The following SRGAP3 variants were observed in gnomAD, a reference collection of about 807,000 sequenced individuals.
The protein encoded by SRGAP3 is SLIT-ROBO Rho GTPase-activating protein 3.
SRGAP3 carries 39 observed loss-of-function variants against 121.1 expected under a neutral mutation model. The ratio of observed to expected loss-of-function variants is 0.32; its 90% confidence interval spans 0.25 to 0.42. The LOEUF is 0.42. SRGAP3 is among the 10% of genes least tolerant of loss of function. The pLI is 1.00. For missense variants in SRGAP3, 1,213 were observed against 1,470.6 expected, an observed-to-expected ratio of 0.82 and a Z score of 2.86; for synonymous variants, 601 against 570.0, an observed-to-expected ratio of 1.05 and a Z score of -0.77.
Position 8,990,786 on chromosome 3 carries a change from T to C in SRGAP3, c.2612A>G (p.Asp871Gly). 6.3e-7 allele frequency: 1 copy of C among 1,595,396 alleles called. No homozygotes were observed. The highest frequency in any genetic ancestry group is 8.5e-7 in the Non-Finnish European group (1 of 1,171,080). ...CAGGCCCCGGGGCGGGCTGTGTGTG[T>C]CGCCCCCGCTTCGGCGTCTGGGGAT... ...AAIPRRRSGG[D>G]THSPPRGLGP... The change falls in exon 21 of 22, where the codon GAC (aspartate) becomes GGC (glycine). Residue 871 changes from aspartate to glycine, a missense_variant. Coordinates refer to ENST00000383836, the MANE Select transcript of SRGAP3 (RefSeq NM_014850.4).
At chr3:9,153,918 A>G (rs968125488) in intron 1 of SRGAP3, among the ~76,000 whole-genome samples, 3 of 152,274 alleles carry the variant, frequency 2.0e-5, no homozygotes, top group East Asian at 3.9e-4. Flanking sequence ...AGAAGCTGAC[A>G]GCAAGAACAG....
chr3:9,015,255 T>C (rs1943574589), intron 15 of SRGAP3, among the ~76,000 whole-genome samples: 1 of 147,682 alleles, frequency 6.8e-6, no homozygotes, highest in South Asian at 2.1e-4. Context: ...CCCTCTTGGC[T>C]GGTCCCACTG....
rs1955939771 is a variant in SRGAP3, at chr3:9,348,108, G to C, written n.214+14732C>G. ...TCATTATTCAGTAGCACCAAAATTGGGTTCACCGCAACAGTAGAATTTTAT... is the reference window on the plus strand; with the variant it reads ...TCATTATTCAGTAGCACCAAAATTGCGTTCACCGCAACAGTAGAATTTTAT... On this transcript the variant is annotated intron_variant and non_coding_transcript_variant, in intron 1 of 3. Coordinates refer to the SRGAP3 transcript ENST00000490889. Among the ~76,000 whole-genome samples the C allele has an allele frequency of 2.0e-5, 3 of 152,060 alleles. No individual in the cohort carries two copies. In the South Asian group the frequency reaches 6.2e-4, roughly 32 times the overall value.
intron 12 of SRGAP3, among the ~76,000 whole-genome samples, chr3:9,032,449 A>T (rs1265113371): frequency 1.3e-5 from 2 of 152,224 alleles, no homozygotes; most frequent in African/African-American, 4.8e-5. Flanking sequence ...AGAATTGCGC[A>T]GGGCACTTAG....
At chr3:9,072,117 GATCCCAACC>G (rs1946750162) in intron 4 of SRGAP3, among the ~76,000 whole-genome samples, 1 of 152,112 alleles carries the variant, frequency 6.6e-6, no homozygotes, top group Non-Finnish European at 1.5e-5. Context: ...TATCAGTCCT[GATCCCAACC>G]GGCCAGGCTC....
At chr3:9,330,686 C>G (rs546515405) in intron 1 of SRGAP3, 10 of 152,308 alleles carry the variant, frequency 6.6e-5, no homozygotes, top group Admixed American at 6.5e-5. Flanking sequence ...CCCAGAATCA[C>G]AGCAGACCCA....
intron 1 of SRGAP3, among the ~76,000 whole-genome samples, chr3:9,183,060 C>T (rs986448918): frequency 2.6e-5 from 4 of 152,110 alleles, no homozygotes; most frequent in African/African-American, 7.2e-5. Flanking sequence ...CCCAAACTCA[C>T]CCAGTGACTA....
intron 20 of SRGAP3, among the ~76,000 whole-genome samples, chr3:8,991,692 A>G (rs1942064250): frequency 6.6e-6 from 1 of 152,196 alleles, no homozygotes; most frequent in African/African-American, 2.4e-5. Context: ...ATTTGGCTGC[A>G]TCCTACAGAG....
chr3:9,054,800 T>C (rs745771327), intron 8 of SRGAP3, among the ~76,000 whole-genome samples: 1 of 152,250 alleles, frequency 6.6e-6, no homozygotes, highest in African/African-American at 2.4e-5. Context: ...TTACTCTATA[T>C]CTAGAACAAT....
intron 1 of SRGAP3, among the ~76,000 whole-genome samples, chr3:9,237,674 C>A (rs963558898): frequency 1.4e-4 from 21 of 152,312 alleles, no homozygotes; most frequent in Admixed American, 1.0e-3. Context: ...CAAGTACAAG[C>A]TTGGAGAAGT....
intron 12 of SRGAP3, 151 bp from the exon 13 acceptor site, chr3:9,027,146 C>A: frequency 1.3e-6 from 1 of 768,906 alleles, no homozygotes. Context: ...CTAAAGTCTC[C>A]ACGGACAGTT....
chr3:9,049,051 CAA>C (rs947631239), intron 9 of SRGAP3, among the ~76,000 whole-genome samples: 11 of 152,246 alleles, frequency 7.2e-5, no homozygotes, highest in African/African-American at 2.6e-4. Flanking sequence ...GCTAGTTTCT[CAA>C]AGAGAAACCC....
chr3:9,264,356 G>A (rs1666847970), intron 3 of SRGAP3, among the ~76,000 whole-genome samples: 1 of 152,132 alleles, frequency 6.6e-6, no homozygotes, highest in Admixed American at 6.5e-5. Flanking sequence ...ACATAGTATT[G>A]GAAAATCTGG....
chr3:9,236,659 C>A (rs1953422310), intron 1 of SRGAP3, among the ~76,000 whole-genome samples: 1 of 152,034 alleles, frequency 6.6e-6, no homozygotes, highest in Non-Finnish European at 1.5e-5. Flanking sequence ...TGTAAGTATC[C>A]TGAGGTCTCC....
chr3:9,354,681 C>CAAAAAAAAAAAA (rs34026081), intron 1 of SRGAP3, among the ~76,000 whole-genome samples: 1 of 70,816 alleles, frequency 1.4e-5, no homozygotes. Flanking sequence ...GACTCCATCT[C>CAAAAAAAAAAAA]AAAAAAAAAA....
intron 3 of SRGAP3, among the ~76,000 whole-genome samples, chr3:9,100,817 T>C (rs1948188917): frequency 6.6e-6 from 1 of 152,042 alleles, no homozygotes; most frequent in South Asian, 2.1e-4. Flanking sequence ...CTTCCTAGAG[T>C]ATTCCGACTG....
intron 18 of SRGAP3, among the ~76,000 whole-genome samples, chr3:9,004,123 G>A (rs73140165): frequency 0.03 from 4,634 of 151,946 alleles, 220 homozygotes; most frequent in African/African-American, 0.1. Context: ...TGAAATTAAG[G>A]AAACAATTTC....
At chr3:9,290,589 G>A (rs375787347) in intron 3 of SRGAP3, among the ~76,000 whole-genome samples, 20 of 152,264 alleles carry the variant, frequency 1.3e-4, no homozygotes, top group Middle Eastern at 6.8e-3. Context: ...TTCAAGTAGT[G>A]TTTCTCAAAG....
intron 1 of SRGAP3, among the ~76,000 whole-genome samples, chr3:9,206,685 C>T (rs1370933504): frequency 6.6e-6 from 1 of 152,174 alleles, no homozygotes; most frequent in Non-Finnish European, 1.5e-5. Context: ...GGCCAGCTCA[C>T]CCTTCATTCA....
Sources: allele counts gnomAD v4.1 joint callset (sites outside exome capture counted in the v4.1 genomes callset), GRCh38; gene constraint gnomAD v4.1.1; transcripts MANE v1.5; gene names NCBI Gene and HGNC (gene_info 2026-07-23, HGNC 2026-07-21).